Variants in WDR19 observed in about 807,000 individuals in gnomAD.
WDR19 encodes the protein WD repeat domain 19, also known as WD repeat-containing protein 19.
WDR19 carries 121 observed loss-of-function variants against 180.0 expected under a neutral mutation model. The ratio of observed to expected loss-of-function variants is 0.67; its 90% CI spans 0.58 to 0.78. WDR19 has a LOEUF of 0.78. Among genes scored for constraint, WDR19 ranks in the 30% least tolerant of loss-of-function variants. The pLI is 0.00. For missense variants in WDR19, 1,450 were observed against 1,640.7 expected (o/e 0.88, Z 2.01); for synonymous variants, 497 against 540.7 (o/e 0.92, Z 1.12).
At chr4:39,258,127 C>T (rs138184405) in intron 28 of WDR19, among the ~76,000 whole-genome samples, 21 of 151,848 alleles carry the variant, frequency 1.4e-4, no homozygotes, top group Non-Finnish European at 2.5e-4. Flanking sequence ...CAAATGTGTC[C>T]GTTTGTGTTA....
At chr4:39,188,137 T>C (rs1326953286) in intron 3 of WDR19, among the ~76,000 whole-genome samples, 6 of 152,102 alleles carry the variant, frequency 3.9e-5, no homozygotes, top group East Asian at 3.8e-4. Flanking sequence ...TAAAGTTTTT[T>C]ATAATACACA....
chr4:39,242,255 A>T (rs1165831815), intron 21 of WDR19, among the ~76,000 whole-genome samples: 1 of 151,856 alleles, frequency 6.6e-6, no homozygotes, highest in Non-Finnish European at 1.5e-5. Flanking sequence ...TAATAAAATT[A>T]AAAATTTTTA....
At chr4:39,216,376 T>C (rs184668472) in intron 12 of WDR19, among the ~76,000 whole-genome samples, 166 bp downstream of exon 12, 2 of 152,372 alleles carry the variant, frequency 1.3e-5, no homozygotes, top group African/African-American at 4.8e-5. Context: ...TTGCATAATT[T>C]TTAGAAAGCT....
chr4:39,244,393 T>A lies in WDR19; in HGVS notation c.2562+5T>A. The A allele has an allele frequency of 2.5e-6, 4 of 1,614,000 alleles. No individual in the cohort carries two copies. Among genetic ancestry groups the A allele is most frequent in the Non-Finnish European group, 3.4e-6 (4 of 1,179,858 alleles). ...GCCATATTGGAGAATATGAAGGTCCTCTTTTCTCTGCATCAATATACATGT... is the reference window on the plus strand; with the variant it reads ...GCCATATTGGAGAATATGAAGGTCCACTTTTCTCTGCATCAATATACATGT... On this transcript the variant is annotated splice_donor_5th_base_variant and intron_variant, in intron 22 of 36. Transcript: ENST00000399820.
chr4:39,218,442 A>G (rs934383165), intron 14 of WDR19: 3 of 225,008 alleles, frequency 1.3e-5, no homozygotes, highest in African/African-American at 2.3e-5. Flanking sequence ...TGAATACTAT[A>G]GGTAATTGTA....
At position 39,274,949 on chromosome 4, in the gene WDR19, G is replaced by C. The variant is rs141039852; in HGVS notation, c.3707G>C (p.Gly1236Ala). The C allele has an allele frequency of 6.2e-7, 1 of 1,613,986 alleles. No homozygotes were observed. The highest frequency in any genetic ancestry group is 1.1e-5 in the South Asian group (1 of 91,082). ...GCCAAATACAAAAAGAAGATCGAGG[G>C]AATGGTCAGGTAGGCAGAGATGGCT... Reference protein sequence around the residue: ...IDAKYKKKIEGMVRRPDISEI... With the variant: ...IDAKYKKKIEAMVRRPDISEI... Residue 1236 changes from glycine (G) to alanine (A), a missense_variant, in exon 33 of 37, where the codon GGA becomes GCA. By Grantham distance (60) the Gly-to-Ala change is moderately conservative. Transcript: ENST00000399820.
chr4:39,217,194 CTGA>C lies in WDR19; in HGVS notation c.1311_1313del (p.Asp438del). The C allele has an allele frequency of 9.9e-6, 16 of 1,608,218 alleles. No homozygotes were observed. The highest frequency in any genetic ancestry group is 1.4e-5 in the Non-Finnish European group (16 of 1,177,360). ...ACAGTAGCCAGTATTTGCCTTCATT[CTGA>C]CTATGCTGCTGCACTTTTTGAAGGC... On this transcript the variant is annotated inframe_deletion, in exon 13 of 37. Coordinates refer to ENST00000399820, the MANE Select transcript of WDR19 (RefSeq NM_025132.4).
At chr4:39,203,427 G>A (rs916107711) in intron 6 of WDR19, among the ~76,000 whole-genome samples, 1 of 152,052 alleles carries the variant, frequency 6.6e-6, no homozygotes, top group Non-Finnish European at 1.5e-5. Flanking sequence ...GATGGTCCCT[G>A]TAAATTTCCC....
intron 33 of WDR19, chr4:39,275,445 A>G (rs1365603238): frequency 1.9e-5 from 4 of 214,348 alleles, no homozygotes; most frequent in Admixed American, 5.2e-5. Context: ...TTTGACTCAT[A>G]CACAAGGCAT....
chr4:39,264,482 T>G (rs567753428), intron 28 of WDR19, among the ~76,000 whole-genome samples: 1 of 152,312 alleles, frequency 6.6e-6, no homozygotes, highest in East Asian at 1.9e-4. Flanking sequence ...CACCTGCAGG[T>G]TCAGGGTCAT....
At chr4:39,246,365 T>G (rs1045515947) in intron 24 of WDR19, among the ~76,000 whole-genome samples, 3 of 151,700 alleles carry the variant, frequency 2.0e-5, no homozygotes, top group African/African-American at 4.8e-5. Flanking sequence ...AATAAAAAAT[T>G]TGGGGGGTGG....
intron 9 of WDR19, among the ~76,000 whole-genome samples, chr4:39,210,728 C>T (rs1192127861): frequency 2.6e-5 from 4 of 152,154 alleles, no homozygotes; most frequent in South Asian, 2.1e-4. Context: ...AAAGACAAAC[C>T]GTATATATAA....
chr4:39,269,708 A>T (rs886683239), intron 30 of WDR19, among the ~76,000 whole-genome samples: 3 of 152,104 alleles, frequency 2.0e-5, no homozygotes, highest in African/African-American at 7.2e-5. Context: ...TTACCCAGGC[A>T]TGGGAGGATC....
At chr4:39,188,493 C>T (rs1318081759) in intron 3 of WDR19, among the ~76,000 whole-genome samples, 1 of 151,694 alleles carries the variant, frequency 6.6e-6, no homozygotes, top group Non-Finnish European at 1.5e-5. Flanking sequence ...GGCAGAGGAT[C>T]GCTTAAGCCC....
At chr4:39,275,736 A>G (rs1044348606) in intron 33 of WDR19, among the ~76,000 whole-genome samples, 2 of 152,222 alleles carry the variant, frequency 1.3e-5, no homozygotes, top group African/African-American at 4.8e-5. Flanking sequence ...CTAAGTGGAA[A>G]CAAAGTTCTG....
chr4:39,183,280 C>T (rs889008315), intron 1 of WDR19, among the ~76,000 whole-genome samples: 3 of 28,348 alleles, frequency 1.1e-4, no homozygotes, highest in South Asian at 1.5e-3. Flanking sequence ...TACTGAGTCT[C>T]GCTCTGTTAC....
chr4:39,196,062 A>G (rs993127133), intron 5 of WDR19, among the ~76,000 whole-genome samples: 2 of 152,260 alleles, frequency 1.3e-5, no homozygotes, highest in Admixed American at 6.5e-5. Context: ...TTTCTTGGGT[A>G]TAGAAAGATG....
intron 21 of WDR19, among the ~76,000 whole-genome samples, chr4:39,243,473 C>G (rs957267157): frequency 1.3e-5 from 2 of 152,066 alleles, no homozygotes; most frequent in African/African-American, 4.8e-5. Flanking sequence ...AATGAATTGT[C>G]TGGTCATGTC....
chr4:39,265,572 G>A (rs1734703579), intron 28 of WDR19, among the ~76,000 whole-genome samples: 1 of 151,888 alleles, frequency 6.6e-6, no homozygotes, highest in Non-Finnish European at 1.5e-5. Context: ...AGGAGATCGA[G>A]ACCATCGTGG....
Sources: allele counts gnomAD v4.1 joint callset (sites outside exome capture counted in the v4.1 genomes callset), GRCh38; gene constraint gnomAD v4.1.1; transcripts MANE v1.5; gene names NCBI Gene and HGNC (gene_info 2026-07-23, HGNC 2026-07-21).